KIAA0930: variants seen among roughly 807,000 people sequenced by gnomAD.
The protein encoded by KIAA0930 is uncharacterized protein KIAA0930.
Under a neutral mutation model 43.9 loss-of-function variants are expected in KIAA0930, and 24 were observed. That is an observed-to-expected ratio of 0.55 (90% CI 0.40 to 0.77). KIAA0930 has a LOEUF of 0.77. Among genes scored for constraint, KIAA0930 ranks in the 30% least tolerant of loss-of-function variants. The pLI is 0.00. For missense variants in KIAA0930, 461 were observed against 574.2 expected, an observed-to-expected ratio of 0.80 and a Z score of 2.02; for synonymous variants, 259 against 216.4, an observed-to-expected ratio of 1.20 and a Z score of -1.73.
intron 1 of KIAA0930, among the ~76,000 whole-genome samples, chr22:45,228,736 A>ACC (rs1555900864): frequency 3.7e-5 from 1 of 27,220 alleles, no homozygotes; most frequent in Non-Finnish European, 6.7e-5. Context: ...ATCCCTCTCC[A>ACC]CCCCCCTACC....
chr22:45,232,208 C>T (rs937917094), intron 1 of KIAA0930, among the ~76,000 whole-genome samples: 11 of 152,218 alleles, frequency 7.2e-5, no homozygotes, highest in African/African-American at 2.4e-4. Flanking sequence ...TGAGGACACA[C>T]GAGGGTGTGC....
chr22:45,225,552 A>T (rs573376519), intron 1 of KIAA0930, among the ~76,000 whole-genome samples: 1 of 152,100 alleles, frequency 6.6e-6, no homozygotes, highest in East Asian at 1.9e-4. Flanking sequence ...TTCTCTGACC[A>T]AACGCCCTGC....
chr22:45,227,716 C>G (rs987393912), intron 1 of KIAA0930, among the ~76,000 whole-genome samples: 3 of 152,136 alleles, frequency 2.0e-5, no homozygotes, highest in South Asian at 4.1e-4. Context: ...CAACTGTCCC[C>G]GGGAGAGAAC....
In KIAA0930 at chr22:45,192,828, G is replaced by A. The variant is rs953545185; in HGVS notation, c.*4348C>T. ...GGAGGAGCTCTGAACCCAGCCCTGAGGCCACTCGGTGTCCCGAGGAGTGCT... is the reference window on the plus strand; with the variant it reads ...GGAGGAGCTCTGAACCCAGCCCTGAAGCCACTCGGTGTCCCGAGGAGTGCT... On this transcript the variant is annotated 3_prime_UTR_variant, in exon 10 of 10. Transcript: ENST00000336156. 1 of 152,250 alleles carries A rather than the reference G, an allele frequency of 6.6e-6. No individual in the cohort carries two copies. The highest frequency in any genetic ancestry group is 2.4e-5 in the African/African-American group (1 of 41,466). The allele number at this position is 152,250 out of a possible 1,614,324, so 9.4% of individuals were successfully genotyped here.
At chr22:45,207,209 C>G (rs2083646157) in intron 2 of KIAA0930, among the ~76,000 whole-genome samples, 1 of 150,778 alleles carries the variant, frequency 6.6e-6, no homozygotes, top group Non-Finnish European at 1.5e-5. Flanking sequence ...GGGGGTTTCA[C>G]CATGTTGGCC....
chr22:45,203,301 AG>A, intron 6 of KIAA0930, 117 bp from the exon 7 acceptor site: 7 of 1,057,494 alleles, frequency 6.6e-6, no homozygotes, highest in Non-Finnish European at 9.5e-6. Flanking sequence ...GCTGCCCGGG[AG>A]GGAGCGTCTG....
chr22:45,237,317 G>T (rs564846911), intron 1 of KIAA0930, among the ~76,000 whole-genome samples: 3 of 152,218 alleles, frequency 2.0e-5, no homozygotes, highest in Non-Finnish European at 4.4e-5. Flanking sequence ...TCTCCCCCAT[G>T]GACTGTGCCC....
chr22:45,220,608 GTCTA>G (rs1019167031), intron 1 of KIAA0930, among the ~76,000 whole-genome samples: 5 of 152,200 alleles, frequency 3.3e-5, no homozygotes, highest in African/African-American at 9.6e-5. Flanking sequence ...TTGGGACAGG[GTCTA>G]TCTATGTCAC....
intron 1 of KIAA0930, among the ~76,000 whole-genome samples, chr22:45,230,506 G>C (rs1354938947): frequency 6.6e-6 from 1 of 151,804 alleles, no homozygotes; most frequent in Non-Finnish European, 1.5e-5. Context: ...TGAAGACACA[G>C]CAATTAGTTG....
chr22:45,212,540 CT>C, intron 1 of KIAA0930: 1 of 1,401,728 alleles, frequency 7.1e-7, no homozygotes, highest in Non-Finnish European at 9.3e-7. Flanking sequence ...CCCACTCCCC[CT>C]GGCTGCGGCA....
At chr22:45,205,562 G>A in intron 4 of KIAA0930, 68 bp downstream of exon 4, 2 of 1,459,118 alleles carry the variant, frequency 1.4e-6, no homozygotes, top group Non-Finnish European at 1.9e-6. Context: ...AGGAGGACTT[G>A]TCTCTCTCTG....
intron 1 of KIAA0930, chr22:45,212,504 G>T: frequency 7.0e-7 from 1 of 1,427,646 alleles, no homozygotes; most frequent in Non-Finnish European, 9.1e-7. Flanking sequence ...GAGAGGCAGG[G>T]CTCTCACCAA....
At chr22:45,208,240 T>G (rs1031947470) in intron 2 of KIAA0930, among the ~76,000 whole-genome samples, 10 of 151,018 alleles carry the variant, frequency 6.6e-5, no homozygotes, top group African/African-American at 2.2e-4. Context: ...CTCACAAACA[T>G]GACATGCGGA....
intron 1 of KIAA0930, among the ~76,000 whole-genome samples, chr22:45,229,376 G>C (rs76953804): frequency 0.011 from 781 of 72,662 alleles, 24 homozygotes; most frequent in African/African-American, 0.039. Context: ...CCAAACGCGC[G>C]CCTAGGCAGC....
chr22:45,197,260 C>G, intron 9 of KIAA0930, 44 bp from the exon 10 acceptor site: 1 of 1,529,410 alleles, frequency 6.5e-7, no homozygotes, highest in East Asian at 2.5e-5. Flanking sequence ...TAACCCTCAA[C>G]AGCGGTGAGT....
At chr22:45,221,748 T>G (rs377764381) in intron 1 of KIAA0930, among the ~76,000 whole-genome samples, 4 of 150,682 alleles carry the variant, frequency 2.7e-5, no homozygotes, top group Non-Finnish European at 5.9e-5. Flanking sequence ...TGTTGTTGTT[T>G]TTTGAGACAG....
chr22:45,203,737 C>T, intron 6 of KIAA0930, 108 bp downstream of exon 6: 1 of 1,317,902 alleles, frequency 7.6e-7, no homozygotes, highest in Non-Finnish European at 1.0e-6. Flanking sequence ...CTGGCGGCCG[C>T]TACCATGCAC....
chr22:45,223,004 A>T (rs1033258886), intron 1 of KIAA0930, among the ~76,000 whole-genome samples: 4 of 152,214 alleles, frequency 2.6e-5, no homozygotes, highest in African/African-American at 9.6e-5. Flanking sequence ...CAAAAATATC[A>T]GACAGTCAAA....
At chr22:45,206,211 T>C (rs1279156767) in intron 2 of KIAA0930, among the ~76,000 whole-genome samples, 1 of 152,142 alleles carries the variant, frequency 6.6e-6, no homozygotes, top group Non-Finnish European at 1.5e-5. Flanking sequence ...GATGTGGCGT[T>C]TCGCCATGTT....
Sources: allele counts gnomAD v4.1 joint callset (sites outside exome capture counted in the v4.1 genomes callset), GRCh38; gene constraint gnomAD v4.1.1; transcripts MANE v1.5; gene names NCBI Gene and HGNC (gene_info 2026-07-23, HGNC 2026-07-21).